WWOX: variants seen among roughly 807,000 people sequenced by gnomAD.
WWOX encodes WW domain containing oxidoreductase.
In WWOX, 69 loss-of-function variants were observed where a neutral mutation model predicts 46.2. The ratio of observed to expected loss-of-function variants is 1.49; its 90% CI spans 1.23 to 1.82. WWOX has a LOEUF of 1.82. WWOX is among the 40% of genes most tolerant of loss of function. The pLI, the probability that WWOX is intolerant of heterozygous loss-of-function variation, is 0.00. For missense variants in WWOX, 919 were observed against 542.6 expected (o/e 1.69, Z -6.89); for synonymous variants, 359 against 202.6 (o/e 1.77, Z -6.56).
chr16:78,734,090 T>A (rs562693235), intron 8 of WWOX, among the ~76,000 whole-genome samples: 2 of 151,190 alleles, frequency 1.3e-5, no homozygotes, highest in South Asian at 4.2e-4. Flanking sequence ...ACTAAATAAG[T>A]CGTCCATCCG....
intron 5 of WWOX, among the ~76,000 whole-genome samples, chr16:78,224,404 A>G (rs551898122): frequency 3.7e-5 from 5 of 136,296 alleles, no homozygotes; most frequent in Non-Finnish European, 7.8e-5. Flanking sequence ...TTTAAAAATT[A>G]AAAAAAAAAA....
intron 5 of WWOX, among the ~76,000 whole-genome samples, chr16:78,262,804 G>A (rs1015661236): frequency 1.3e-5 from 2 of 152,128 alleles, no homozygotes; most frequent in Admixed American, 1.3e-4. Context: ...TGGGCTGTGG[G>A]GAGGTGACAG....
chr16:78,370,496 T>G (rs1321967926), intron 5 of WWOX, among the ~76,000 whole-genome samples: 1 of 1,322 alleles, frequency 7.6e-4, no homozygotes, highest in East Asian at 1.7e-3. Flanking sequence ...ATCTACGATG[T>G]TTTTTTTTTT....
At chr16:78,514,268 G>C (rs1449140798) in intron 8 of WWOX, among the ~76,000 whole-genome samples, 1 of 152,088 alleles carries the variant, frequency 6.6e-6, no homozygotes, top group African/African-American at 2.4e-5. Context: ...CCCTCCTTTA[G>C]TAATTAGATA....
rs539573213 is a variant in WWOX, at chr16:78,625,184, C to G, written c.1056+192432C>G. 3.9e-5 allele frequency among the ~76,000 whole-genome samples: 6 copies of G among 152,322 alleles called. No individual in the cohort carries two copies. In the South Asian group the frequency reaches 1.2e-3, roughly 32 times the overall value. ...CACGCTGAGGGATCCTTTGACAACT[C>G]AGCTTCATGAGGACAGCTGCAGTTC... On this transcript the variant is annotated intron_variant, in intron 8 of 8. Transcript: ENST00000566780.
In WWOX at chr16:78,100,343, A is replaced by G. The variant is rs533827705; in HGVS notation, c.107+458A>G. ...TCATAGCCCACTGTAGCCTCTACCT[A>G]CTGGGTTCAGACAATCCTCTCATCT... On this transcript the variant is annotated intron_variant, in intron 1 of 8. Coordinates refer to ENST00000566780, the MANE Select transcript of WWOX (RefSeq NM_016373.4). The G allele has an allele frequency of 2.6e-5, 19 of 740,678 alleles. No homozygotes were observed. In the Admixed American group the frequency reaches 1.2e-3, roughly 46 times the overall value. The allele number at this position is 740,678 out of a possible 1,614,324, so 45.9% of individuals were successfully genotyped here.
chr16:79,102,056 G>T (rs1235347748), intron 8 of WWOX, among the ~76,000 whole-genome samples: 1 of 127,852 alleles, frequency 7.8e-6, no homozygotes, highest in Non-Finnish European at 1.7e-5. Context: ...CAGGGAGTAG[G>T]GGGGAGGGGG....
intron 4 of WWOX, among the ~76,000 whole-genome samples, chr16:78,153,046 G>C (rs2034471538): frequency 6.6e-6 from 1 of 152,300 alleles, no homozygotes; most frequent in East Asian, 1.9e-4. Context: ...AGAGAGACCT[G>C]TGTAGTTTTG....
chr16:78,735,307 TC>T lies in WWOX; in HGVS notation c.1056+302556del, dbSNP rs370507429. 2.9e-3 allele frequency among the ~76,000 whole-genome samples: 427 copies of T among 149,474 alleles called. 4 individuals are homozygous for T. The highest frequency in any genetic ancestry group is 0.017 in the Middle Eastern group (5 of 290). Reference sequence around the variant, plus strand: ...GCCTATAGCGGATCTTGAGACTTTTTCTTATTTTATCTATCTATCAATCCAT... The same window carrying T: ...GCCTATAGCGGATCTTGAGACTTTTTTTATTTTATCTATCTATCAATCCAT... On this transcript the variant is annotated intron_variant, in intron 8 of 8. Transcript: ENST00000566780.
At chr16:78,226,144 G>A (rs141189934) in intron 5 of WWOX, among the ~76,000 whole-genome samples, 9 of 152,156 alleles carry the variant, frequency 5.9e-5, no homozygotes, top group Non-Finnish European at 7.3e-5. Context: ...GGAATGAACC[G>A]CTAGAGATGA....
chr16:78,356,345 A>G (rs1235066578), intron 5 of WWOX, among the ~76,000 whole-genome samples: 1 of 152,110 alleles, frequency 6.6e-6, no homozygotes, highest in Admixed American at 6.5e-5. Context: ...CTTGTTTAAA[A>G]TAAGAGCACA....
chr16:78,915,740 G>C (rs555663845), intron 8 of WWOX, among the ~76,000 whole-genome samples: 4 of 152,000 alleles, frequency 2.6e-5, no homozygotes, highest in Non-Finnish European at 5.9e-5. Flanking sequence ...CATCTGCCTT[G>C]ATCAAACATT....
At chr16:78,472,562 A>G (rs543220771) in intron 8 of WWOX, among the ~76,000 whole-genome samples, 2 of 152,256 alleles carry the variant, frequency 1.3e-5, no homozygotes, top group South Asian at 4.1e-4. Context: ...TAATCCCAGC[A>G]CTTTGGAAGG....
chr16:78,635,591 G>T (rs1037647109), intron 8 of WWOX, among the ~76,000 whole-genome samples: 1 of 152,196 alleles, frequency 6.6e-6, no homozygotes, highest in African/African-American at 2.4e-5. Flanking sequence ...ACAAAATGAA[G>T]ATGTTGGTTA....
intron 5 of WWOX, among the ~76,000 whole-genome samples, chr16:78,210,948 A>G (rs185579618): frequency 1.3e-4 from 20 of 152,340 alleles, no homozygotes; most frequent in African/African-American, 4.1e-4. Context: ...ATTTAAGTAC[A>G]TCTGGGATAA....
At chr16:78,627,317 C>T (rs1597368021) in intron 8 of WWOX, among the ~76,000 whole-genome samples, 1 of 152,154 alleles carries the variant, frequency 6.6e-6, no homozygotes, top group African/African-American at 2.4e-5. Flanking sequence ...CAAAGGGAGG[C>T]CATCACAAAC....
rs986496455 is a variant in WWOX, at chr16:79,027,376, G to A, written c.1057-184232G>A. Among the ~76,000 whole-genome samples, 12 of 151,200 alleles carry A rather than the reference G, an allele frequency of 7.9e-5. 2 individuals are homozygous for A. The highest frequency in any genetic ancestry group is 2.7e-4 in the African/African-American group (11 of 40,844). ...CATTGCAAAATGAAAATTCTTCATT[G>A]TTATTATAATTACTTCAAGGAGCAA... On this transcript the variant is annotated intron_variant, in intron 8 of 8. Coordinates refer to ENST00000566780, the MANE Select transcript of WWOX (RefSeq NM_016373.4).
intron 5 of WWOX, among the ~76,000 whole-genome samples, chr16:78,257,754 T>C (rs2038170652): frequency 6.6e-6 from 1 of 152,220 alleles, no homozygotes; most frequent in Non-Finnish European, 1.5e-5. Context: ...TCACTCATGC[T>C]CTGCTGCTTT....
At chr16:78,512,864 G>A (rs1408376370) in intron 8 of WWOX, among the ~76,000 whole-genome samples, 1 of 152,124 alleles carries the variant, frequency 6.6e-6, no homozygotes, top group Non-Finnish European at 1.5e-5. Flanking sequence ...CCTCCCATTG[G>A]AATCACTTTG....
Sources: allele counts gnomAD v4.1 joint callset (sites outside exome capture counted in the v4.1 genomes callset), GRCh38; gene constraint gnomAD v4.1.1; transcripts MANE v1.5; gene names NCBI Gene and HGNC (gene_info 2026-07-23, HGNC 2026-07-21).